The following KCND2 variants were observed in gnomAD, a reference collection of about 807,000 sequenced individuals.
The protein encoded by KCND2 is potassium voltage-gated channel subfamily D member 2.
Under a neutral mutation model 54.4 loss-of-function variants are expected in KCND2, and 16 were observed. The observed-to-expected ratio is 0.29, with a 90% CI of 0.20 to 0.45. The LOEUF (loss-of-function observed/expected upper bound fraction) is 0.45, where lower values mean the gene tolerates loss of function less well. Among genes scored for constraint, KCND2 ranks in the 20% least tolerant of loss-of-function variants. The pLI, the probability that KCND2 is intolerant of heterozygous loss-of-function variation, is 1.00. For synonymous variants in KCND2, 317 were observed against 310.7 expected, an observed-to-expected ratio of 1.02 and a Z score of -0.21; for missense variants, 486 against 824.2, an observed-to-expected ratio of 0.59 and a Z score of 5.02.
At chr7:120,350,657 T>A (rs1800387156) in intron 1 of KCND2, among the ~76,000 whole-genome samples, 1 of 152,210 alleles carries the variant, frequency 6.6e-6, no homozygotes, top group African/African-American at 2.4e-5. Context: ...GAATTTTTAA[T>A]CAGTGCATTT....
At chr7:120,596,767 T>C (rs1337527417) in intron 1 of KCND2, among the ~76,000 whole-genome samples, 3 of 152,136 alleles carry the variant, frequency 2.0e-5, no homozygotes, top group African/African-American at 7.2e-5. Context: ...TACTAAAAAA[T>C]CAGTAAGATT....
At chr7:120,467,540 T>G (rs1802389209) in intron 1 of KCND2, among the ~76,000 whole-genome samples, 1 of 152,126 alleles carries the variant, frequency 6.6e-6, no homozygotes, top group Non-Finnish European at 1.5e-5. Flanking sequence ...CAAGTCTACA[T>G]TTACAAGGGA....
intron 1 of KCND2, among the ~76,000 whole-genome samples, chr7:120,660,890 A>G (rs1220352257): frequency 6.6e-6 from 1 of 152,212 alleles, no homozygotes; most frequent in Admixed American, 6.5e-5. Context: ...AGTGTTAAAT[A>G]TTACTTTCTT....
intron 1 of KCND2, among the ~76,000 whole-genome samples, chr7:120,704,110 G>A (rs1421160345): frequency 6.6e-6 from 1 of 152,086 alleles, no homozygotes; most frequent in Non-Finnish European, 1.5e-5. Flanking sequence ...ACACTATCCA[G>A]TCCTGTCTAC....
At chr7:120,349,327 A>AACACACACACACACACAC (rs145626165) in intron 1 of KCND2, among the ~76,000 whole-genome samples, 3 of 144,462 alleles carry the variant, frequency 2.1e-5, no homozygotes, top group East Asian at 4.0e-4. Flanking sequence ...CACACACACA[A>AACACACACACACACACAC]ACACACACAC....
intron 1 of KCND2, among the ~76,000 whole-genome samples, chr7:120,364,357 C>T (rs940386191): frequency 2.0e-5 from 3 of 152,042 alleles, no homozygotes; most frequent in African/African-American, 7.2e-5. Context: ...CTATTAACTC[C>T]AGAGAAAAGC....
chr7:120,381,494 C>T (rs989992099), intron 1 of KCND2, among the ~76,000 whole-genome samples: 2 of 152,082 alleles, frequency 1.3e-5, no homozygotes, highest in Non-Finnish European at 2.9e-5. Context: ...TTTCTGGCTA[C>T]ATTCTGCCAA....
chr7:120,653,257 C>T (rs1791760743), intron 1 of KCND2, among the ~76,000 whole-genome samples: 1 of 150,742 alleles, frequency 6.6e-6, no homozygotes, highest in East Asian at 2.0e-4. Context: ...TGTTACCCAG[C>T]CTGGTCTCAA....
chr7:120,368,117 T>C (rs1389634812), intron 1 of KCND2, among the ~76,000 whole-genome samples: 3 of 152,150 alleles, frequency 2.0e-5, no homozygotes, highest in Admixed American at 2.0e-4. Context: ...CCGAAGCATT[T>C]CAGCATCAGC....
At chr7:120,642,442 AC>A (rs1283687082) in intron 1 of KCND2, among the ~76,000 whole-genome samples, 1 of 151,164 alleles carries the variant, frequency 6.6e-6, no homozygotes, top group Non-Finnish European at 1.5e-5. Context: ...CACACCTGTA[AC>A]CCCATCTACC....
At chr7:120,456,036 T>C (rs144493037) in intron 1 of KCND2, among the ~76,000 whole-genome samples, 1 of 152,282 alleles carries the variant, frequency 6.6e-6, no homozygotes, top group East Asian at 1.9e-4. Context: ...TATCTATTAT[T>C]GTTGATTATT....
chr7:120,715,705 T>C (rs924908499), intron 1 of KCND2, among the ~76,000 whole-genome samples: 1 of 152,212 alleles, frequency 6.6e-6, no homozygotes. Context: ...ATCTTAAAGT[T>C]AACACATCAC....
At chr7:120,569,762 T>C (rs1483826869) in intron 1 of KCND2, among the ~76,000 whole-genome samples, 4 of 152,136 alleles carry the variant, frequency 2.6e-5, no homozygotes, top group African/African-American at 9.7e-5. Context: ...CACAGTATAA[T>C]ATTTCTCTAA....
At chr7:120,729,561 T>A (rs1792779247) in intron 1 of KCND2, among the ~76,000 whole-genome samples, 1 of 152,196 alleles carries the variant, frequency 6.6e-6, no homozygotes, top group African/African-American at 2.4e-5. Flanking sequence ...TGTATTCTCT[T>A]ACCATCTCCT....
At chr7:120,631,354 A>T (rs984551925) in intron 1 of KCND2, among the ~76,000 whole-genome samples, 8 of 152,134 alleles carry the variant, frequency 5.3e-5, no homozygotes, top group Admixed American at 2.0e-4. Flanking sequence ...TGATTTTAAT[A>T]ATCAAAGCTA....
At chr7:120,498,690 G>A (rs112467302) in intron 1 of KCND2, among the ~76,000 whole-genome samples, 6,854 of 149,238 alleles carry the variant, frequency 0.046, 522 homozygotes, top group African/African-American at 0.16. Context: ...CATGAGAATC[G>A]CTTGAACCCA....
At chr7:120,482,453 A>G (rs1404106435) in intron 1 of KCND2, among the ~76,000 whole-genome samples, 1 of 152,190 alleles carries the variant, frequency 6.6e-6, no homozygotes, top group Non-Finnish European at 1.5e-5. Flanking sequence ...AAGGACATAA[A>G]TATTGGGGGC....
At chr7:120,528,113 C>T (rs1340818464) in intron 1 of KCND2, among the ~76,000 whole-genome samples, 1 of 152,084 alleles carries the variant, frequency 6.6e-6, no homozygotes, top group African/African-American at 2.4e-5. Context: ...CAAAGACAAA[C>T]ATTGTCCCAA....
intron 1 of KCND2, among the ~76,000 whole-genome samples, chr7:120,361,343 G>A (rs973902493): frequency 6.6e-6 from 1 of 150,750 alleles, no homozygotes; most frequent in African/African-American, 2.4e-5. Context: ...TCCTTAGGAA[G>A]AATTTCTTGT....
Sources: gnomAD v4.1 joint callset for allele counts (sites outside exome capture counted in the v4.1 genomes callset) on GRCh38, gnomAD v4.1.1 for gene constraint, MANE v1.5 for transcripts, NCBI Gene and HGNC (gene_info 2026-07-23, HGNC 2026-07-21) for gene names.